Variants in TEX11 observed in about 807,000 individuals in gnomAD.
The protein encoded by TEX11 is testis-expressed protein 11.
In TEX11, 7 loss-of-function variants were observed where a neutral mutation model predicts 84.4. The observed-to-expected ratio is 0.08, with a 90% CI of 0.05 to 0.16. TEX11 has a LOEUF of 0.16. Among genes scored for constraint, TEX11 ranks in the 10% least tolerant of loss-of-function variants. TEX11 has a pLI of 1.00. For synonymous variants in TEX11, 264 were observed against 222.8 expected (o/e 1.18, Z -1.64); for missense variants, 551 against 660.5 (o/e 0.83, Z 1.82).
intron 8 of TEX11, among the ~76,000 whole-genome samples, chrX:70,827,087 G>A (rs1040707109): frequency 9.0e-6 from 1 of 111,469 alleles, no homozygotes; most frequent in Non-Finnish European, 1.9e-5. Flanking sequence ...AGCCACAGTA[G>A]GACAGGGCAC....
At chrX:70,787,237 T>C (rs990051837) in intron 9 of TEX11, among the ~76,000 whole-genome samples, 12 of 112,350 alleles carry the variant, frequency 1.1e-4, no homozygotes, top group Admixed American at 3.8e-4. Context: ...ATAAAGTCCA[T>C]ATATAAGAAA....
chrX:70,693,606 G>C (rs145455207), intron 13 of TEX11, among the ~76,000 whole-genome samples: 78 of 111,640 alleles, frequency 7.0e-4, no homozygotes, highest in African/African-American at 2.3e-3. Flanking sequence ...AAGGGCAGTA[G>C]TGGCAGGGCT....
At chrX:70,549,319 T>C (rs1391002579) in intron 28 of TEX11, among the ~76,000 whole-genome samples, 2 of 111,059 alleles carry the variant, frequency 1.8e-5, no homozygotes, top group Non-Finnish European at 3.8e-5. Context: ...CTGGCTTCAG[T>C]TGTGACCCAG....
chrX:70,712,254 G>A (rs984445191), intron 13 of TEX11, among the ~76,000 whole-genome samples: 1 of 111,547 alleles, frequency 9.0e-6, no homozygotes, highest in African/African-American at 3.3e-5. Flanking sequence ...TTTGGCTGAG[G>A]ATTCACTTGG....
At chrX:70,711,773 T>C (rs1171547680) in intron 13 of TEX11, among the ~76,000 whole-genome samples, 1 of 111,803 alleles carries the variant, frequency 8.9e-6, no homozygotes, top group African/African-American at 3.2e-5. Context: ...TCTTTTGCTG[T>C]GCAGAAGCTC....
chrX:70,823,461 T>C (rs967914641), intron 8 of TEX11, among the ~76,000 whole-genome samples: 2 of 111,703 alleles, frequency 1.8e-5, no homozygotes, highest in African/African-American at 6.5e-5. Flanking sequence ...GTTCATTACC[T>C]TTATCACAGT....
intron 25 of TEX11, among the ~76,000 whole-genome samples, chrX:70,581,061 G>T (rs186937106): frequency 9.0e-6 from 1 of 110,701 alleles, no homozygotes; most frequent in Non-Finnish European, 1.9e-5. Flanking sequence ...GAGTGCGGTG[G>T]CACAATCATG....
chrX:70,721,625 T>A (rs1255495077), intron 13 of TEX11, among the ~76,000 whole-genome samples: 14 of 111,810 alleles, frequency 1.3e-4, no homozygotes, highest in Non-Finnish European at 9.4e-5. Context: ...TGTCAAATTA[T>A]CTGGAGTTAG....
At chrX:70,592,661 A>T (rs143789548) in intron 24 of TEX11, among the ~76,000 whole-genome samples, 128 of 111,261 alleles carry the variant, frequency 1.2e-3, no homozygotes, top group African/African-American at 3.8e-3. Context: ...ACTATCAGGG[A>T]CTACAACTCT....
At chrX:70,632,034 A>C (rs2089516329) in intron 17 of TEX11, among the ~76,000 whole-genome samples, 1 of 96,742 alleles carries the variant, frequency 1.0e-5, no homozygotes. Flanking sequence ...GTAAGACATA[A>C]TATTAACAAA....
At chrX:70,839,550 C>T (rs763680456) in intron 7 of TEX11, among the ~76,000 whole-genome samples, 1 of 111,616 alleles carries the variant, frequency 9.0e-6, no homozygotes, top group South Asian at 3.8e-4. Context: ...AAAAACAGAG[C>T]AGAAAAACTG....
intron 17 of TEX11, among the ~76,000 whole-genome samples, chrX:70,638,666 T>C (rs112369346): frequency 0.011 from 1,173 of 108,453 alleles, 21 homozygotes; most frequent in African/African-American, 0.037. Flanking sequence ...CTGGGCATGG[T>C]GGCATGTGCC....
chrX:70,634,516 A>G (rs2089546380), intron 17 of TEX11, among the ~76,000 whole-genome samples: 1 of 111,595 alleles, frequency 9.0e-6, no homozygotes, highest in Non-Finnish European at 1.9e-5. Context: ...CTTCAAATTT[A>G]TTACATAGCT....
intron 24 of TEX11, among the ~76,000 whole-genome samples, chrX:70,603,382 C>G (rs1462779535): frequency 1.0e-5 from 1 of 99,343 alleles, no homozygotes; most frequent in Non-Finnish European, 2.0e-5. Context: ...AGAACAGAGC[C>G]CTCAGAAATA....
chrX:70,839,004 G>A (rs1248074132), intron 7 of TEX11, among the ~76,000 whole-genome samples: 1 of 112,632 alleles, frequency 8.9e-6, no homozygotes, highest in African/African-American at 3.2e-5. Context: ...AGCTCGAACT[G>A]GGTGGAGCCC....
Position 70,831,081 on chromosome X carries a change from G to A in TEX11, c.606+2432C>T, listed in dbSNP as rs762311551. ...CCTAAGGGTCCAACAAGAGATGAAT[G>A]GGTAAAGAAAATGTGGTATTTATAT... On this transcript the variant is annotated intron_variant, in intron 8 of 29. Transcript: ENST00000374333. Among the ~76,000 whole-genome samples the A allele has an allele frequency of 2.7e-5, 3 of 111,665 alleles. No homozygotes were observed. The East Asian group carries it at 8.4e-4, about 31-fold the overall frequency.
intron 3 of TEX11, among the ~76,000 whole-genome samples, chrX:70,878,610 T>C (rs934943667): frequency 9.2e-6 from 1 of 108,809 alleles, no homozygotes; most frequent in Non-Finnish European, 1.9e-5. Context: ...ACCCTAGAAC[T>C]TAAAATTTAA....
chrX:70,740,681 C>G lies in TEX11; in HGVS notation c.843+20G>C. On this transcript the variant is annotated intron_variant, in intron 11 of 29. Transcript: ENST00000374333. Reference sequence around the variant, plus strand: ...TCAAAAAATACATTAAGTTAGTATTCAAAAATACAAGCCCCATACCTTGTT... The same window carrying G: ...TCAAAAAATACATTAAGTTAGTATTGAAAAATACAAGCCCCATACCTTGTT... 9.1e-7 allele frequency: 1 copy of G among 1,093,269 alleles called. No individual in the cohort carries two copies. The highest frequency in any genetic ancestry group is 1.2e-6 in the Non-Finnish European group (1 of 812,447). 90.1% of individuals were successfully genotyped at this position (1,093,269 alleles called of 1,213,427 possible).
At position 70,698,259 on chromosome X, in the gene TEX11, A is replaced by T. The variant is rs1316024368; in HGVS notation, c.1005-15434T>A. 3.6e-5 allele frequency among the ~76,000 whole-genome samples: 4 copies of T among 111,204 alleles called. No individual in the cohort carries two copies. The East Asian group carries it at 1.1e-3, about 31-fold the overall frequency. ...TATAGTCACCCTATTGTGCTACTGA[A>T]TGCTAGATTTTATTCCATCTATCTA... is the stretch of plus-strand genomic sequence containing the variant. On this transcript the variant is annotated intron_variant, in intron 13 of 29. Coordinates refer to ENST00000374333, the MANE Select transcript of TEX11 (RefSeq NM_031276.3).
Sources: gnomAD v4.1 joint callset for allele counts (sites outside exome capture counted in the v4.1 genomes callset) on GRCh38, gnomAD v4.1.1 for gene constraint, MANE v1.5 for transcripts, NCBI Gene and HGNC (gene_info 2026-07-23, HGNC 2026-07-21) for gene names.